Variants in ZFYVE9 observed in about 807,000 individuals in gnomAD.
The protein encoded by ZFYVE9 is zinc finger FYVE-type containing 9, also known as zinc finger FYVE domain-containing protein 9.
In ZFYVE9, 43 loss-of-function variants were observed where a neutral mutation model predicts 126.7. That is an observed-to-expected ratio of 0.34 (90% CI 0.27 to 0.44). ZFYVE9 has a LOEUF of 0.44. Ranked by LOEUF, ZFYVE9 falls within the 20% of genes least tolerant of loss-of-function variation. The pLI is 1.00. For missense variants in ZFYVE9, 1,476 were observed against 1,697.0 expected, an observed-to-expected ratio of 0.87 and a Z score of 2.29; for synonymous variants, 521 against 597.4, an observed-to-expected ratio of 0.87 and a Z score of 1.87.
chr1:52,159,827 G>A (rs1262492277), intron 1 of ZFYVE9, among the ~76,000 whole-genome samples: 8 of 150,694 alleles, frequency 5.3e-5, no homozygotes, highest in East Asian at 1.9e-4. Flanking sequence ...ATGGAGTCTC[G>A]CTCTGTCACC....
chr1:52,226,268 C>T (rs949017591), intron 2 of ZFYVE9, among the ~76,000 whole-genome samples: 6 of 152,184 alleles, frequency 3.9e-5, no homozygotes, highest in Non-Finnish European at 5.9e-5. Context: ...TTCACCCGTG[C>T]AAGCTCCCAG....
chr1:52,234,818 T>C (rs557658055), intron 3 of ZFYVE9, among the ~76,000 whole-genome samples: 50 of 152,338 alleles, frequency 3.3e-4, no homozygotes, highest in African/African-American at 1.1e-3. Flanking sequence ...TTTTCTGAGT[T>C]TCAACTGTTT....
At chr1:52,327,339 C>A (rs1460950770) in intron 13 of ZFYVE9, among the ~76,000 whole-genome samples, 1 of 151,800 alleles carries the variant, frequency 6.6e-6, no homozygotes, top group African/African-American at 2.4e-5. Flanking sequence ...CGCGGTGGCT[C>A]ACACCTGTAA....
chr1:52,175,020 G>A (rs1644611072), intron 1 of ZFYVE9, among the ~76,000 whole-genome samples: 1 of 152,086 alleles, frequency 6.6e-6, no homozygotes, highest in African/African-American at 2.4e-5. Context: ...AGTTAATATT[G>A]TTATGTGTGA....
intron 2 of ZFYVE9, among the ~76,000 whole-genome samples, chr1:52,224,193 T>G (rs1044235915): frequency 2.0e-5 from 3 of 152,150 alleles, no homozygotes; most frequent in Non-Finnish European, 4.4e-5. Context: ...CTATTTCCCA[T>G]TGGAGCTTTC....
intron 12 of ZFYVE9, among the ~76,000 whole-genome samples, chr1:52,302,474 G>A (rs113851431): frequency 0.012 from 1,879 of 152,278 alleles, 33 homozygotes; most frequent in African/African-American, 0.043. Flanking sequence ...AAACAGGCTG[G>A]GCGCAGTGGC....
At chr1:52,304,464 T>C (rs1208389457) in intron 13 of ZFYVE9, among the ~76,000 whole-genome samples, 1 of 152,108 alleles carries the variant, frequency 6.6e-6, no homozygotes, top group African/African-American at 2.4e-5. Flanking sequence ...GGTTTCACCA[T>C]GTTAGCCAGA....
At chr1:52,203,438 C>T (rs1644943837) in intron 1 of ZFYVE9, among the ~76,000 whole-genome samples, 2 of 146,576 alleles carry the variant, frequency 1.4e-5, no homozygotes, top group South Asian at 4.3e-4. Context: ...CTGCCTCGGC[C>T]TCCCAAAGTG....
chr1:52,288,875 G>C (rs1645889152), intron 10 of ZFYVE9, among the ~76,000 whole-genome samples: 1 of 149,868 alleles, frequency 6.7e-6, no homozygotes, highest in African/African-American at 2.5e-5. Context: ...TCAGTGAGCT[G>C]GGATCACGCC....
At position 52,287,212 on chromosome 1, in the gene ZFYVE9, C is replaced by T. The variant is rs1170030208; in HGVS notation, c.3025+5396C>T. On this transcript the variant is annotated intron_variant, in intron 10 of 18. Coordinates refer to ENST00000287727, the MANE Select transcript of ZFYVE9 (RefSeq NM_004799.4). ...TCAAGTGATTCTCCTGCCTCAGCCT[C>T]CCAATTAGCTCCCAAGTAGCTCCCA... is the stretch of plus-strand genomic sequence containing the variant. 6.6e-5 allele frequency among the ~76,000 whole-genome samples: 10 copies of T among 152,166 alleles called. No individual in the cohort carries two copies. The South Asian group carries it at 2.1e-3, about 32-fold the overall frequency.
chr1:52,334,902 C>A (rs1646375464), intron 15 of ZFYVE9, 134 bp downstream of exon 15: 1 of 779,782 alleles, frequency 1.3e-6, no homozygotes, highest in Non-Finnish European at 2.1e-6. Flanking sequence ...ATTAAAACTG[C>A]CATGAGAGTG....
chr1:52,292,652 A>C (rs1002329875), intron 10 of ZFYVE9, among the ~76,000 whole-genome samples: 1 of 151,686 alleles, frequency 6.6e-6, no homozygotes, highest in African/African-American at 2.4e-5. Context: ...TTGTATTTTT[A>C]GTAGAGATGG....
intron 10 of ZFYVE9, among the ~76,000 whole-genome samples, chr1:52,287,359 C>T (rs555145687): frequency 1.2e-3 from 180 of 152,240 alleles, no homozygotes; most frequent in African/African-American, 4.0e-3. Context: ...GTGATCCACC[C>T]GCCTGGGCCA....
At chr1:52,293,376 CAAAAAAAAA>C (rs376379860) in intron 10 of ZFYVE9, 68 bp from the exon 11 acceptor site, 2 of 604,246 alleles carry the variant, frequency 3.3e-6, no homozygotes, top group African/African-American at 3.5e-5. Flanking sequence ...GACTCCGTCT[CAAAAAAAAA>C]AAAAAAAAAA....
chr1:52,254,018 G>C (rs938698882), intron 4 of ZFYVE9: 16 of 762,926 alleles, frequency 2.1e-5, no homozygotes, highest in Non-Finnish European at 3.8e-5. Context: ...AAGCCAACTT[G>C]GACGTTAATG....
At chr1:52,337,518 T>C (rs1646400110) in intron 15 of ZFYVE9, among the ~76,000 whole-genome samples, 1 of 152,236 alleles carries the variant, frequency 6.6e-6, no homozygotes, top group African/African-American at 2.4e-5. Context: ...TGTGACTGTG[T>C]TTAAGTTTTC....
At chr1:52,165,517 G>C (rs866976354) in intron 1 of ZFYVE9, among the ~76,000 whole-genome samples, 1 of 152,116 alleles carries the variant, frequency 6.6e-6, no homozygotes, top group Non-Finnish European at 1.5e-5. Flanking sequence ...TGAGACCTGG[G>C]GGAAAATATG....
At chr1:52,198,114 T>C (rs1362562187) in intron 1 of ZFYVE9, among the ~76,000 whole-genome samples, 1 of 42,888 alleles carries the variant, frequency 2.3e-5, no homozygotes, top group East Asian at 7.4e-4. Flanking sequence ...TGTAGTGTTT[T>C]TTTTTGTTTG....
In ZFYVE9 at chr1:52,259,836, C is replaced by T. The variant is rs531088950; in HGVS notation, c.2179-3937C>T. On this transcript the variant is annotated intron_variant, in intron 4 of 18. Transcript: ENST00000287727. The stretch of plus-strand genomic sequence containing the variant: ...AAAGGCCCTACTTCCATTCCAATCT[C>T]ATCCTCCAACTTGACTATATTTTTC... 8.0e-4 allele frequency among the ~76,000 whole-genome samples: 122 copies of T among 152,168 alleles called. 1 individual carries two copies. The highest frequency in any genetic ancestry group is 2.9e-3 in the African/African-American group (119 of 41,550).
Sources: allele counts gnomAD v4.1 joint callset (sites outside exome capture counted in the v4.1 genomes callset), GRCh38; gene constraint gnomAD v4.1.1; transcripts MANE v1.5; gene names NCBI Gene and HGNC (gene_info 2026-07-23, HGNC 2026-07-21).